Variants in EBF1 observed in about 807,000 individuals in gnomAD.
The protein encoded by EBF1 is transcription factor COE1.
Under a neutral mutation model 68.4 loss-of-function variants are expected in EBF1, and 10 were observed. The ratio of observed to expected loss-of-function variants is 0.15; its 90% confidence interval spans 0.09 to 0.25. The LOEUF is 0.25. Ranked by LOEUF, EBF1 falls within the 10% of genes least tolerant of loss-of-function variation. The pLI is 1.00. For synonymous variants in EBF1, 298 were observed against 299.8 expected, an observed-to-expected ratio of 0.99 and a Z score of 0.06; for missense variants, 509 against 794.4, an observed-to-expected ratio of 0.64 and a Z score of 4.32.
rs143985528 is a variant in EBF1 at position 158,929,188 on chromosome 5, T to C, written c.555-89078A>G. Among the ~76,000 whole-genome samples the C allele has an allele frequency of 4.5e-3, 684 of 152,244 alleles. 4 individuals carry two copies. The highest frequency in any genetic ancestry group is 0.015 in the African/African-American group (630 of 41,542). ...TCAAAGTATGGCAGACATATAATAT[T>C]AAAAGATTTAGAGCGTCCTGGTCCA... On this transcript the variant is annotated intron_variant, in intron 6 of 15. Coordinates refer to ENST00000313708, the MANE Select transcript of EBF1 (RefSeq NM_024007.5).
intron 6 of EBF1, among the ~76,000 whole-genome samples, chr5:159,031,396 C>A (rs1030277614): frequency 3.9e-5 from 6 of 152,182 alleles, no homozygotes; most frequent in Admixed American, 3.3e-4. Flanking sequence ...GAAGCAGTAA[C>A]CCCCTCCTCA....
chr5:159,084,835 G>T, intron 4 of EBF1, 96 bp from the exon 5 acceptor site: 1 of 1,070,516 alleles, frequency 9.3e-7, no homozygotes. Context: ...CACCACTACT[G>T]AAGGCCAAAT....
chr5:158,926,537 A>T (rs1004882890), intron 6 of EBF1, among the ~76,000 whole-genome samples: 1 of 152,092 alleles, frequency 6.6e-6, no homozygotes, highest in Admixed American at 6.6e-5. Context: ...CAGCCTGGCC[A>T]GTATGGTGAA....
At position 158,893,718 on chromosome 5, in the gene EBF1, A is replaced by G. The variant is rs10053354; in HGVS notation, c.555-53608T>C. Among the ~76,000 whole-genome samples, 937 of 152,320 alleles carry G rather than the reference A, an allele frequency of 6.2e-3. 16 individuals are homozygous for G. The highest frequency in any genetic ancestry group is 0.021 in the African/African-American group (892 of 41,572). ...GGTGTTCAAGGGATGCTTCAAACTT[A>G]AAACACATTTCCAAGTATATTCTCC... On this transcript the variant is annotated intron_variant, in intron 6 of 15. Transcript: ENST00000313708.
chr5:159,053,018 T>A (rs991657975), intron 6 of EBF1, among the ~76,000 whole-genome samples: 1 of 152,232 alleles, frequency 6.6e-6, no homozygotes, highest in Non-Finnish European at 1.5e-5. Flanking sequence ...ACAAAAGGAA[T>A]AGCGATTACG....
In EBF1 at chr5:159,087,375, TATATATACAC is replaced by T. The variant is rs58266287; in HGVS notation, c.412-2646_412-2637del. Among the ~76,000 whole-genome samples the T allele has an allele frequency of 2.3e-3, 316 of 139,850 alleles. 2 individuals are homozygous for T. The highest frequency in any genetic ancestry group is 8.0e-3 in the African/African-American group (296 of 36,946). The allele number at this position is 139,850 out of a possible 152,430, so 91.7% of individuals were successfully genotyped here. On this transcript the variant is annotated intron_variant, in intron 4 of 15. Transcript: ENST00000313708. ...ATATACACATATATATATACACACA[TATATATACAC>T]ATATATATACATATATATACACACA...
intron 6 of EBF1, among the ~76,000 whole-genome samples, chr5:159,048,411 C>T (rs78736784): frequency 1.2e-3 from 176 of 152,316 alleles, no homozygotes; most frequent in African/African-American, 4.0e-3. Context: ...CTTCCTTCCA[C>T]GGCATGCCAA....
intron 6 of EBF1, among the ~76,000 whole-genome samples, chr5:159,018,172 C>A (rs1765976286): frequency 6.6e-6 from 1 of 152,176 alleles, no homozygotes; most frequent in Non-Finnish European, 1.5e-5. Context: ...CATCCAAGGA[C>A]ATCTAGATCT....
chr5:158,942,777 G>C (rs1201749827), intron 6 of EBF1, among the ~76,000 whole-genome samples: 1 of 151,612 alleles, frequency 6.6e-6, no homozygotes, highest in Non-Finnish European at 1.5e-5. Flanking sequence ...CCCAGGGTTG[G>C]CGCCATACAT....
At position 158,910,461 on chromosome 5, in the gene EBF1, CTA is replaced by C. The variant is rs199941907; in HGVS notation, c.555-70353_555-70352del. Among the ~76,000 whole-genome samples, 858 of 152,326 alleles carry C rather than the reference CTA, an allele frequency of 5.6e-3. 9 individuals carry two copies. The highest frequency in any genetic ancestry group is 0.02 in the African/African-American group (812 of 41,564). ...TCACCATTAAATCCTAAACACACCT[CTA>C]TCTTTGAAAATGTTTCAGAGAACTG... On this transcript the variant is annotated intron_variant, in intron 6 of 15. Transcript: ENST00000313708.
intron 10 of EBF1, among the ~76,000 whole-genome samples, chr5:158,769,977 G>GA (rs200267682): frequency 0.037 from 5,633 of 152,150 alleles, 358 homozygotes; most frequent in African/African-American, 0.13. Context: ...ATCCCTAAGT[G>GA]AAAACAATCT....
rs963582499 is a variant in EBF1 at position 158,895,468 on chromosome 5, C to T, written c.555-55358G>A. On this transcript the variant is annotated intron_variant, in intron 6 of 15. Coordinates refer to ENST00000313708, the MANE Select transcript of EBF1 (RefSeq NM_024007.5). ...GGACATTTACAGAGTACTTACTATA[C>T]GTCCTAAGCATTCTACATGTATTAT... 5.3e-5 allele frequency among the ~76,000 whole-genome samples: 8 copies of T among 152,144 alleles called. No individual in the cohort carries two copies. In the East Asian group the frequency reaches 1.3e-3, roughly 26 times the overall value.
Position 159,021,002 on chromosome 5 carries a change from G to A in EBF1, c.554+52394C>T, listed in dbSNP as rs550818789. Among the ~76,000 whole-genome samples the A allele has an allele frequency of 3.0e-4, 45 of 152,262 alleles. 1 individual carries two copies. The highest frequency in any genetic ancestry group is 5.9e-4 in the Admixed American group (9 of 15,306). The stretch of plus-strand genomic sequence containing the variant: ...ACCTTCTGACCCTTGACCTCTTCCC[G>A]AGAAGACTCGCTCCGGGGTGTGTTT... On this transcript the variant is annotated intron_variant, in intron 6 of 15. Coordinates refer to ENST00000313708, the MANE Select transcript of EBF1 (RefSeq NM_024007.5).
intron 6 of EBF1, chr5:158,985,909 A>G (rs1402093687): frequency 6.6e-6 from 1 of 152,606 alleles, no homozygotes; most frequent in Non-Finnish European, 1.5e-5. Flanking sequence ...CATGGAGGTC[A>G]GCACTGTGCA....
chr5:159,008,218 G>A (rs1763944422), intron 6 of EBF1, among the ~76,000 whole-genome samples: 1 of 152,146 alleles, frequency 6.6e-6, no homozygotes, highest in African/African-American at 2.4e-5. Flanking sequence ...TTTGACCCAG[G>A]AATTCCATGT....
chr5:158,709,178 AGTAT>A (rs1758586774), intron 14 of EBF1, among the ~76,000 whole-genome samples: 1 of 152,238 alleles, frequency 6.6e-6, no homozygotes, highest in Non-Finnish European at 1.5e-5. Context: ...CCTGCAGGAA[AGTAT>A]GTATCCTAGA....
intron 4 of EBF1, among the ~76,000 whole-genome samples, chr5:159,094,593 T>G (rs1399998089): frequency 6.6e-6 from 1 of 152,202 alleles, no homozygotes; most frequent in Non-Finnish European, 1.5e-5. Context: ...AATTTGAAAC[T>G]TTCTCAGCCA....
At chr5:158,894,597 G>C (rs531301873) in intron 6 of EBF1, among the ~76,000 whole-genome samples, 61 of 152,100 alleles carry the variant, frequency 4.0e-4, no homozygotes, top group Non-Finnish European at 7.8e-4. Flanking sequence ...ACTCAAACCA[G>C]ATATCACCTC....
At chr5:158,727,813 A>C (rs1763299458) in intron 11 of EBF1, among the ~76,000 whole-genome samples, 1 of 152,244 alleles carries the variant, frequency 6.6e-6, no homozygotes, top group Non-Finnish European at 1.5e-5. Context: ...CCAATAAAAC[A>C]AAGCACGTCC....
Sources: gnomAD v4.1 joint callset for allele counts (sites outside exome capture counted in the v4.1 genomes callset) on GRCh38, gnomAD v4.1.1 for gene constraint, MANE v1.5 for transcripts, NCBI Gene and HGNC (gene_info 2026-07-23, HGNC 2026-07-21) for gene names.